Variants in PCDHGB1 observed in about 807,000 individuals in gnomAD.
The protein encoded by PCDHGB1 is protocadherin gamma-B1.
In PCDHGB1, 34 loss-of-function variants were observed where a neutral mutation model predicts 56.6. The ratio of observed to expected loss-of-function variants is 0.60; its 90% CI spans 0.46 to 0.80. PCDHGB1 has a LOEUF of 0.80. Ranked by LOEUF, PCDHGB1 falls within the 30% of genes least tolerant of loss-of-function variation. The pLI is 0.00. For synonymous variants in PCDHGB1, 561 were observed against 505.9 expected (o/e 1.11, Z -1.46); for missense variants, 1,278 against 1,204.6 (o/e 1.06, Z -0.90).
Position 141,489,569 on chromosome 5 carries a change from C to T in PCDHGB1, c.2410-5238C>T. On this transcript the variant is annotated intron_variant, in intron 1 of 3. Coordinates refer to ENST00000523390, the MANE Select transcript of PCDHGB1 (RefSeq NM_018922.3). This position sits in a 1 kb window ranked among gnomAD's most constrained non-coding sequence, Gnocchi z 4.5. ...TGCCTGCTGCCAGTGCAGGTGGTGACTGAACACCCCCTGGAGCTAATCCGT... is the reference window on the plus strand; with the variant it reads ...TGCCTGCTGCCAGTGCAGGTGGTGATTGAACACCCCCTGGAGCTAATCCGT... 6.2e-7 allele frequency: 1 copy of T among 1,614,024 alleles called. No homozygotes were observed. The highest frequency in any genetic ancestry group is 2.2e-5 in the East Asian group (1 of 44,870).
At chr5:141,472,980 C>CAAAAAAAA (rs60579131) in intron 1 of PCDHGB1, among the ~76,000 whole-genome samples, 7 of 86,098 alleles carry the variant, frequency 8.1e-5, no homozygotes, top group Admixed American at 1.2e-4. Context: ...GAGTGAAACT[C>CAAAAAAAA]AAAAAAAAAA....
intron 1 of PCDHGB1, chr5:141,421,700 C>G: frequency 6.2e-7 from 1 of 1,613,900 alleles, no homozygotes; most frequent in Non-Finnish European, 8.5e-7. Context: ...CTTCCTAATG[C>G]TAGGGATCCA....
chr5:141,490,257 T>C lies in PCDHGB1; in HGVS notation c.2410-4550T>C, dbSNP rs2099697852. On this transcript the variant is annotated intron_variant, in intron 1 of 3. Coordinates refer to ENST00000523390, the MANE Select transcript of PCDHGB1 (RefSeq NM_018922.3). The surrounding 1 kb of genome is among the most constrained non-coding windows in gnomAD (Gnocchi z 5.4). ...AGGGCCACTGTGTGATTCAAGTGGATGTGGGGGATGTCAATGACAATGCCC... is the reference window on the plus strand; with the variant it reads ...AGGGCCACTGTGTGATTCAAGTGGACGTGGGGGATGTCAATGACAATGCCC... The C allele has an allele frequency of 6.2e-7, 1 of 1,614,208 alleles. No individual in the cohort carries two copies. Among genetic ancestry groups the C allele is most frequent in the South Asian group, 1.1e-5 (1 of 91,078 alleles).
chr5:141,367,766 A>G (rs1166226365), intron 1 of PCDHGB1: 1 of 152,176 alleles, frequency 6.6e-6, no homozygotes, highest in East Asian at 1.9e-4. Context: ...TGCACTCAAT[A>G]AATGTAAATA....
Position 141,477,198 on chromosome 5 carries a change from TACCCGAGGATG to T in PCDHGB1, c.2410-17608_2410-17598del. 6.2e-7 allele frequency: 1 copy of T among 1,614,194 alleles called. No homozygotes were observed. The highest frequency in any genetic ancestry group is 2.2e-5 in the East Asian group (1 of 44,874). On this transcript the variant is annotated intron_variant, in intron 1 of 3. Transcript: ENST00000523390. The surrounding 1 kb of genome is among the most constrained non-coding windows in gnomAD (Gnocchi z 4.9). ...ACAGTCACCTCCGTGTACAGCCCAG[TACCCGAGGATG>T]CCCCTCTGGGGACTGTCATCGCTTT...
chr5:141,364,451 A>AAAGGCTC, intron 1 of PCDHGB1: 1 of 1,613,974 alleles, frequency 6.2e-7, no homozygotes, highest in Non-Finnish European at 8.5e-7. Context: ...GGAGCTGGAC[A>AAAGGCTC]AAGGCTCCTT....
At chr5:141,484,392 T>G (rs1454201773) in intron 1 of PCDHGB1, among the ~76,000 whole-genome samples, 1 of 152,162 alleles carries the variant, frequency 6.6e-6, no homozygotes, top group African/African-American at 2.4e-5. Flanking sequence ...TAAGAAAGGT[T>G]TGGTTTCCGC....
At chr5:141,473,511 C>T (rs952034051) in intron 1 of PCDHGB1, among the ~76,000 whole-genome samples, 23 of 152,108 alleles carry the variant, frequency 1.5e-4, no homozygotes, top group Non-Finnish European at 3.1e-4. Flanking sequence ...GAGAGCATAA[C>T]AAAGGATCCT....
rs2154594699 is a variant in PCDHGB1 at position 141,512,507 on chromosome 5, C to T, written c.*1334C>T. 6.5e-6 allele frequency: 1 copy of T among 153,048 alleles called. No individual in the cohort carries two copies. Among genetic ancestry groups the T allele is most frequent in the South Asian group, 2.1e-4 (1 of 4,836 alleles). 9.5% of individuals were successfully genotyped at this position (153,048 alleles called of 1,614,324 possible). ...CACTGCCCAGGTCCCCAGTGCGCCCCCTAGTGGCCATAGCCTGGTTAAAGT... is the reference window on the plus strand; with the variant it reads ...CACTGCCCAGGTCCCCAGTGCGCCCTCTAGTGGCCATAGCCTGGTTAAAGT... On this transcript the variant is annotated 3_prime_UTR_variant, in exon 4 of 4. Transcript: ENST00000523390.
At chr5:141,437,796 G>A (rs2097911691) in intron 1 of PCDHGB1, among the ~76,000 whole-genome samples, 1 of 150,348 alleles carries the variant, frequency 6.7e-6, no homozygotes, top group South Asian at 2.1e-4. Context: ...GGAGTGCAGT[G>A]GCACTATCTT....
Position 141,351,034 on chromosome 5 carries a change from G to A in PCDHGB1, c.774G>A (p.Val258=), listed in dbSNP as rs745945225. 6.2e-7 allele frequency: 1 copy of A among 1,613,878 alleles called. No individual in the cohort carries two copies. Among genetic ancestry groups the A allele is most frequent in the Non-Finnish European group, 8.5e-7 (1 of 1,179,914 alleles). Residue 258 remains valine (V), a synonymous_variant, in exon 1 of 4, where the codon GTG becomes GTA. Coordinates refer to ENST00000523390, the MANE Select transcript of PCDHGB1 (RefSeq NM_018922.3). ...AAAACGTACCGTGGGGAACCTCCGT[G>A]CTGCGGGTGATGGCCACAGACCAGG... is the stretch of plus-strand genomic sequence containing the variant. ...LQENVPWGTS[V]LRVMATDQDE... is the part of the protein sequence containing the mutation.
intron 1 of PCDHGB1, among the ~76,000 whole-genome samples, chr5:141,479,789 T>C (rs888217885): frequency 3.3e-5 from 5 of 152,196 alleles, no homozygotes; most frequent in Non-Finnish European, 2.9e-5. Flanking sequence ...AAAGCATTCA[T>C]TAATTCAGGG....
chr5:141,390,573 C>T, intron 1 of PCDHGB1: 2 of 381,276 alleles, frequency 5.2e-6, no homozygotes, highest in Non-Finnish European at 9.4e-6. Context: ...TGGCTCTCTC[C>T]TAAAAAGTGA....
rs1464156311 is a variant in PCDHGB1, at chr5:141,350,978, A to C, written c.718A>C (p.Ser240Arg). ...TDANDNAPVF[S>R]QEVYRVSLQE... ...TGCCAATGATAATGCTCCCGTGTTT[A>C]GCCAGGAGGTATACAGGGTTAGCCT... Residue 240 changes from serine (S) to arginine (R), a missense_variant, in exon 1 of 4, where the codon AGC becomes CGC. Physicochemically the swap from Ser to Arg is moderately radical, Grantham distance 110. Transcript: ENST00000523390. 1.2e-6 allele frequency: 2 copies of C among 1,613,956 alleles called. No homozygotes were observed. Among genetic ancestry groups the C allele is most frequent in the Non-Finnish European group, 8.5e-7 (1 of 1,179,912 alleles).
intron 1 of PCDHGB1, chr5:141,372,474 G>C: frequency 6.2e-7 from 1 of 1,614,052 alleles, no homozygotes; most frequent in Non-Finnish European, 8.5e-7. Context: ...TCACCTAGTA[G>C]TGGCGTTGGC....
intron 1 of PCDHGB1, among the ~76,000 whole-genome samples, chr5:141,463,518 G>T (rs537466389): frequency 7.2e-6 from 1 of 139,068 alleles, no homozygotes; most frequent in African/African-American, 2.8e-5. Context: ...GCGTGATCTC[G>T]GCTTACTAGA....
At chr5:141,393,097 T>C in intron 1 of PCDHGB1, 1 of 1,613,608 alleles carries the variant, frequency 6.2e-7, no homozygotes, top group South Asian at 1.1e-5. Context: ...CGGGAGGAGC[T>C]CTGCGCTCAG....
chr5:141,511,450 C>A lies in PCDHGB1; in HGVS notation c.*277C>A. Reference sequence around the variant, plus strand: ...TGGGGTTACTGTAGACACCAAGAACCATTTGCCACACCCCGTTTAGTTACA... The same window carrying A: ...TGGGGTTACTGTAGACACCAAGAACAATTTGCCACACCCCGTTTAGTTACA... On this transcript the variant is annotated 3_prime_UTR_variant, in exon 4 of 4. Transcript: ENST00000523390. The A allele has an allele frequency of 3.3e-6, 2 of 615,088 alleles. No homozygotes were observed. The highest frequency in any genetic ancestry group is 6.8e-5 in the East Asian group (2 of 29,272). The allele number at this position is 615,088 out of a possible 1,614,324, so 38.1% of individuals were successfully genotyped here.
intron 1 of PCDHGB1, chr5:141,417,834 G>A (rs1382990900): frequency 2.0e-6 from 3 of 1,530,144 alleles, no homozygotes; most frequent in Middle Eastern, 3.5e-4. Context: ...GGAAAAGCGG[G>A]GACCCAGCGA....
Sources: allele counts gnomAD v4.1 joint callset (sites outside exome capture counted in the v4.1 genomes callset), GRCh38; gene constraint gnomAD v4.1.1; non-coding constraint Gnocchi (gnomAD v3.1); transcripts MANE v1.5; gene names NCBI Gene and HGNC (gene_info 2026-07-23, HGNC 2026-07-21).